Variants in GPM6A observed in about 807,000 individuals in gnomAD.
The protein encoded by GPM6A is neuronal membrane glycoprotein M6-a.
A neutral mutation model predicts 32.1 loss-of-function variants in GPM6A; 7 were observed. The observed-to-expected ratio is 0.22, with a 90% confidence interval of 0.12 to 0.41. The LOEUF is 0.41. GPM6A is among the 10% of genes least tolerant of loss of function. GPM6A has a pLI of 1.00. For synonymous variants in GPM6A, 130 were observed against 123.4 expected, an observed-to-expected ratio of 1.05 and a Z score of -0.35; for missense variants, 235 against 347.2, an observed-to-expected ratio of 0.68 and a Z score of 2.57.
chr4:175,804,871 C>T (rs62336056), intron 1 of GPM6A, among the ~76,000 whole-genome samples: 73,109 of 151,726 alleles, frequency 0.48, 18,000 homozygotes, highest in Non-Finnish European at 0.53. Flanking sequence ...CAGTGAAATG[C>T]TGTCTCTACT....
intron 1 of GPM6A, among the ~76,000 whole-genome samples, chr4:175,747,567 G>A (rs1365773423): frequency 4.6e-5 from 7 of 152,064 alleles, no homozygotes; most frequent in Non-Finnish European, 8.8e-5. Flanking sequence ...CTATCCTGTA[G>A]TCTATAAAAT....
chr4:175,930,448 GT>G (rs972005745), intron 1 of GPM6A, among the ~76,000 whole-genome samples: 1 of 128,816 alleles, frequency 7.8e-6, no homozygotes, highest in Non-Finnish European at 1.7e-5. Context: ...TTTTGTTGTT[GT>G]TTTTTTTAAG....
At chr4:175,995,450 G>A (rs747846747) in intron 1 of GPM6A, among the ~76,000 whole-genome samples, 1 of 150,528 alleles carries the variant, frequency 6.6e-6, no homozygotes, top group African/African-American at 2.4e-5. Context: ...GACAGGGTAC[G>A]CCTGTATATT....
intron 1 of GPM6A, among the ~76,000 whole-genome samples, chr4:175,908,407 A>G (rs1732684923): frequency 6.6e-6 from 1 of 152,136 alleles, no homozygotes. Flanking sequence ...GAAATTGATT[A>G]GAAGACTGCC....
At chr4:175,939,774 C>T (rs895215623) in intron 1 of GPM6A, among the ~76,000 whole-genome samples, 1 of 151,706 alleles carries the variant, frequency 6.6e-6, no homozygotes, top group Admixed American at 6.6e-5. Flanking sequence ...TCAACAGAAG[C>T]AACAAGAAAA....
chr4:175,777,408 A>G (rs1420570566), intron 1 of GPM6A, among the ~76,000 whole-genome samples: 1 of 152,090 alleles, frequency 6.6e-6, no homozygotes, highest in Non-Finnish European at 1.5e-5. Flanking sequence ...TCCTTATCCT[A>G]TTGTAAGGTA....
At chr4:175,710,740 T>C (rs1007562049) in intron 1 of GPM6A, among the ~76,000 whole-genome samples, 3 of 152,208 alleles carry the variant, frequency 2.0e-5, no homozygotes, top group Non-Finnish European at 4.4e-5. Context: ...GTATAAAAGA[T>C]GTAAATTTTC....
intron 1 of GPM6A, among the ~76,000 whole-genome samples, chr4:175,874,031 C>T (rs1737001181): frequency 6.6e-6 from 1 of 152,006 alleles, no homozygotes; most frequent in Non-Finnish European, 1.5e-5. Flanking sequence ...AATTGCAATC[C>T]ATAGAAAACT....
At chr4:175,986,807 A>AC (rs1315863059) in intron 1 of GPM6A, among the ~76,000 whole-genome samples, 1 of 151,978 alleles carries the variant, frequency 6.6e-6, no homozygotes, top group Admixed American at 6.6e-5. Flanking sequence ...CAAGAGCCCC[A>AC]CCCCCTAATT....
intron 3 of GPM6A, among the ~76,000 whole-genome samples, chr4:175,666,172 G>A (rs578040049): frequency 3.3e-5 from 5 of 152,022 alleles, no homozygotes; most frequent in South Asian, 2.1e-4. Context: ...CACCTGCCTC[G>A]GTCTCCCAGA....
chr4:175,972,609 C>G (rs1740542168), intron 1 of GPM6A, among the ~76,000 whole-genome samples: 1 of 151,964 alleles, frequency 6.6e-6, no homozygotes, highest in African/African-American at 2.4e-5. Flanking sequence ...ATATGTATAG[C>G]CTATTATTTA....
chr4:175,911,736 G>A (rs1738325301), intron 1 of GPM6A, among the ~76,000 whole-genome samples: 1 of 152,108 alleles, frequency 6.6e-6, no homozygotes, highest in Non-Finnish European at 1.5e-5. Flanking sequence ...ACCCAAACTA[G>A]GATTATATGT....
chr4:175,766,297 G>A (rs1732963351), intron 1 of GPM6A, among the ~76,000 whole-genome samples: 2 of 152,118 alleles, frequency 1.3e-5, no homozygotes, highest in South Asian at 2.1e-4. Context: ...AAGTTTTATA[G>A]ATGAAGAACA....
At chr4:175,790,350 C>T (rs1462780610) in intron 1 of GPM6A, 1 of 152,142 alleles carries the variant, frequency 6.6e-6, no homozygotes, top group Non-Finnish European at 1.5e-5. Context: ...TCAACAAATT[C>T]ACCAGCAAAA....
At chr4:175,749,928 A>G (rs1381223032) in intron 1 of GPM6A, among the ~76,000 whole-genome samples, 1 of 152,164 alleles carries the variant, frequency 6.6e-6, no homozygotes, top group East Asian at 1.9e-4. Flanking sequence ...TACATCCTCC[A>G]GGTCCTGCCA....
At chr4:175,843,623 G>A (rs1736004354) in intron 1 of GPM6A, among the ~76,000 whole-genome samples, 2 of 152,190 alleles carry the variant, frequency 1.3e-5, no homozygotes, top group Non-Finnish European at 2.9e-5. Flanking sequence ...AGCTGAACTA[G>A]GTGCTATGCT....
chr4:175,658,031 C>T (rs1034291033), intron 3 of GPM6A, among the ~76,000 whole-genome samples: 3 of 152,116 alleles, frequency 2.0e-5, no homozygotes, highest in Non-Finnish European at 4.4e-5. Context: ...ATGCAGTCAT[C>T]ATCATCATCA....
At chr4:175,964,393 T>C (rs1191790285) in intron 1 of GPM6A, among the ~76,000 whole-genome samples, 1 of 152,146 alleles carries the variant, frequency 6.6e-6, no homozygotes, top group African/African-American at 2.4e-5. Context: ...TACTATACTA[T>C]ATTAGTTCGC....
chr4:175,963,524 GA>G (rs987506235), intron 1 of GPM6A, among the ~76,000 whole-genome samples: 1 of 151,866 alleles, frequency 6.6e-6, no homozygotes, highest in African/African-American at 2.4e-5. Context: ...CTGTTAAAAG[GA>G]AAAACCCACC....
Sources: gnomAD v4.1 joint callset for allele counts (sites outside exome capture counted in the v4.1 genomes callset) on GRCh38, gnomAD v4.1.1 for gene constraint, MANE v1.5 for transcripts, NCBI Gene and HGNC (gene_info 2026-07-23, HGNC 2026-07-21) for gene names.